Variants in SORCS3 observed in about 807,000 individuals in gnomAD.
SORCS3 encodes the protein sortilin related VPS10 domain containing receptor 3, also known as VPS10 domain-containing receptor SorCS3.
In SORCS3, 57 loss-of-function variants were observed where a neutral mutation model predicts 146.3. That is an observed-to-expected ratio of 0.39 (90% confidence interval 0.31 to 0.49). SORCS3 has a LOEUF of 0.49. Ranked by LOEUF, SORCS3 falls within the 20% of genes least tolerant of loss-of-function variation. The probability of loss-of-function intolerance (pLI) is 0.92; values close to 1 mark genes in which losing one functional copy is unlikely to be tolerated. For missense variants in SORCS3, 1,341 were observed against 1,575.5 expected, an observed-to-expected ratio of 0.85 and a Z score of 2.52; for synonymous variants, 653 against 618.5, an observed-to-expected ratio of 1.06 and a Z score of -0.83.
At chr10:105,159,821 C>T (rs1315859505) in intron 11 of SORCS3, among the ~76,000 whole-genome samples, 1 of 152,198 alleles carries the variant, frequency 6.6e-6, no homozygotes, top group Non-Finnish European at 1.5e-5. Flanking sequence ...GCTTCCTTCT[C>T]CAAGCCTCCA....
intron 4 of SORCS3, among the ~76,000 whole-genome samples, chr10:105,015,823 G>A (rs984646365): frequency 6.6e-6 from 1 of 151,456 alleles, no homozygotes; most frequent in Non-Finnish European, 1.5e-5. Flanking sequence ...TCCACCTCCC[G>A]GGTTTAAGCG....
At chr10:105,146,915 C>T (rs2056135346) in intron 8 of SORCS3, among the ~76,000 whole-genome samples, 1 of 152,164 alleles carries the variant, frequency 6.6e-6, no homozygotes, top group Admixed American at 6.6e-5. Flanking sequence ...ACACATTCAG[C>T]ATCATGCAGC....
intron 4 of SORCS3, among the ~76,000 whole-genome samples, chr10:105,034,797 C>A (rs557662855): frequency 2.0e-5 from 3 of 152,296 alleles, no homozygotes; most frequent in South Asian, 2.1e-4. Flanking sequence ...GAATTGCTTT[C>A]TTGGAAGTAT....
chr10:104,713,627 A>G (rs1424208879), intron 1 of SORCS3, among the ~76,000 whole-genome samples: 5 of 152,196 alleles, frequency 3.3e-5, no homozygotes, highest in Non-Finnish European at 7.3e-5. Flanking sequence ...CCAACCTTGC[A>G]TATCTGGGAT....
intron 16 of SORCS3, among the ~76,000 whole-genome samples, chr10:105,206,834 GC>G (rs1023696733): frequency 2.5e-4 from 38 of 152,184 alleles, no homozygotes; most frequent in African/African-American, 8.7e-4. Context: ...ACCTCTATTT[GC>G]CTAATCCCAA....
chr10:105,094,161 C>A (rs991348762), intron 6 of SORCS3, among the ~76,000 whole-genome samples: 14 of 152,124 alleles, frequency 9.2e-5, no homozygotes, highest in African/African-American at 3.1e-4. Flanking sequence ...ATGGGAAAGA[C>A]AAACTATATA....
At chr10:104,738,086 A>G (rs936515586) in intron 1 of SORCS3, among the ~76,000 whole-genome samples, 2 of 152,118 alleles carry the variant, frequency 1.3e-5, no homozygotes, top group Admixed American at 1.3e-4. Flanking sequence ...AGATAGTTGT[A>G]GATATGCGGC....
At chr10:105,009,460 G>A (rs1012284502) in intron 4 of SORCS3, among the ~76,000 whole-genome samples, 12 of 147,982 alleles carry the variant, frequency 8.1e-5, no homozygotes, top group African/African-American at 3.0e-4. Context: ...AATTTTTGCT[G>A]CAGAGAATAA....
At chr10:104,851,792 CAT>C (rs2018276709) in intron 2 of SORCS3, among the ~76,000 whole-genome samples, 1 of 152,196 alleles carries the variant, frequency 6.6e-6, no homozygotes, top group African/African-American at 2.4e-5. Flanking sequence ...GTCAAACTTT[CAT>C]AGTTACTTTC....
chr10:104,921,606 T>G (rs1290549228), intron 3 of SORCS3, among the ~76,000 whole-genome samples: 1 of 152,028 alleles, frequency 6.6e-6, no homozygotes, highest in African/African-American at 2.4e-5. Context: ...TAATAAGTTC[T>G]AGGCACTGGG....
intron 5 of SORCS3, among the ~76,000 whole-genome samples, chr10:105,083,798 G>T (rs1387105909): frequency 6.6e-6 from 1 of 152,164 alleles, no homozygotes; most frequent in Non-Finnish European, 1.5e-5. Flanking sequence ...TATTGAAAAT[G>T]TATACAGAAT....
At chr10:104,959,342 G>A (rs570976819) in intron 3 of SORCS3, among the ~76,000 whole-genome samples, 7 of 152,056 alleles carry the variant, frequency 4.6e-5, no homozygotes, top group Non-Finnish European at 7.4e-5. Flanking sequence ...TCAGGAGGTG[G>A]TTATGTCATG....
intron 4 of SORCS3, among the ~76,000 whole-genome samples, chr10:105,019,580 T>C (rs1433096834): frequency 1.3e-5 from 2 of 152,216 alleles, no homozygotes; most frequent in East Asian, 3.8e-4. Flanking sequence ...ACCAGTGAAA[T>C]TGATCACACC....
At chr10:104,969,296 A>G (rs2054844464) in intron 3 of SORCS3, among the ~76,000 whole-genome samples, 1 of 143,164 alleles carries the variant, frequency 7.0e-6, no homozygotes, top group African/African-American at 2.7e-5. Flanking sequence ...GATGCTTTCA[A>G]AAAGGATTGT....
chr10:104,941,320 C>T (rs1363219756), intron 3 of SORCS3, among the ~76,000 whole-genome samples: 2 of 152,184 alleles, frequency 1.3e-5, no homozygotes, highest in East Asian at 3.9e-4. Flanking sequence ...CAAGATATAG[C>T]TGCTGTGATT....
chr10:104,915,407 T>G (rs992424999), intron 2 of SORCS3, among the ~76,000 whole-genome samples: 1 of 151,842 alleles, frequency 6.6e-6, no homozygotes, highest in East Asian at 2.0e-4. Flanking sequence ...ACCCTGGTGA[T>G]GACCTCAGGA....
At chr10:104,824,559 C>T (rs944829292) in intron 1 of SORCS3, among the ~76,000 whole-genome samples, 5 of 152,170 alleles carry the variant, frequency 3.3e-5, no homozygotes, top group Non-Finnish European at 7.3e-5. Flanking sequence ...ATAGGGTATT[C>T]ACTTCACTGT....
At chr10:104,978,318 G>A (rs1048433564) in intron 4 of SORCS3, among the ~76,000 whole-genome samples, 6 of 152,094 alleles carry the variant, frequency 3.9e-5, no homozygotes, top group Admixed American at 6.6e-5. Flanking sequence ...TTCAAACAAA[G>A]TCCATTTTGT....
chr10:105,248,318 C>T (rs990925629), intron 22 of SORCS3, among the ~76,000 whole-genome samples: 4 of 152,128 alleles, frequency 2.6e-5, no homozygotes, highest in African/African-American at 9.7e-5. Flanking sequence ...CACAGATTTG[C>T]AACTCAATAA....
Sources: allele counts gnomAD v4.1 joint callset (sites outside exome capture counted in the v4.1 genomes callset), GRCh38; gene constraint gnomAD v4.1.1; transcripts MANE v1.5; gene names NCBI Gene and HGNC (gene_info 2026-07-23, HGNC 2026-07-21).